Variants in DIP2C observed in about 807,000 individuals in gnomAD.
DIP2C encodes disco-interacting protein 2 homolog C.
DIP2C carries 33 observed loss-of-function variants against 192.4 expected under a neutral mutation model. That is an observed-to-expected ratio of 0.17 (90% confidence interval 0.13 to 0.23). The LOEUF (loss-of-function observed/expected upper bound fraction) is 0.23. DIP2C is among the 10% of genes least tolerant of loss of function. The probability of loss-of-function intolerance (pLI) is 1.00; values close to 1 mark genes in which losing one functional copy is unlikely to be tolerated. For synonymous variants in DIP2C, 979 were observed against 864.1 expected (o/e 1.13, Z -2.33); for missense variants, 1,537 against 2,110.1 (o/e 0.73, Z 5.32).
chr10:491,434 A>G (rs1040480229), intron 1 of DIP2C, among the ~76,000 whole-genome samples: 1 of 152,216 alleles, frequency 6.6e-6, no homozygotes, highest in Non-Finnish European at 1.5e-5. Flanking sequence ...GAGGCCCCGG[A>G]AGGCAAGGCC....
chr10:358,099 G>T (rs1394126159), intron 22 of DIP2C, among the ~76,000 whole-genome samples, 162 bp from the exon 23 acceptor site: 1 of 152,172 alleles, frequency 6.6e-6, no homozygotes. Flanking sequence ...AAATGATTGT[G>T]AAGGGGGAGT....
intron 1 of DIP2C, among the ~76,000 whole-genome samples, chr10:586,254 C>T (rs1003872189): frequency 9.2e-5 from 14 of 152,338 alleles, no homozygotes; most frequent in African/African-American, 2.9e-4. Flanking sequence ...TGAGAATGGA[C>T]GCAGCCATCA....
chr10:464,661 T>C (rs1970064018), intron 3 of DIP2C, among the ~76,000 whole-genome samples: 2 of 152,206 alleles, frequency 1.3e-5, no homozygotes, highest in Admixed American at 6.5e-5. Flanking sequence ...ATCATGATAC[T>C]ATAAAGACAC....
At chr10:317,165 T>C (rs954657068) in intron 31 of DIP2C, among the ~76,000 whole-genome samples, 1 of 152,330 alleles carries the variant, frequency 6.6e-6, no homozygotes, top group Admixed American at 6.5e-5. Context: ...TCATCAGGCA[T>C]TGATGCAGGT....
At chr10:470,603 G>A (rs961391868) in intron 3 of DIP2C, among the ~76,000 whole-genome samples, 3 of 152,198 alleles carry the variant, frequency 2.0e-5, no homozygotes, top group East Asian at 1.9e-4. Context: ...TTATCTCGTG[G>A]AGTAGCTGGG....
At chr10:522,267 C>CT (rs1564816009) in intron 1 of DIP2C, among the ~76,000 whole-genome samples, 1 of 152,200 alleles carries the variant, frequency 6.6e-6, no homozygotes. Flanking sequence ...TGGTCCAGTT[C>CT]TTTTTAGTGT....
intron 1 of DIP2C, among the ~76,000 whole-genome samples, chr10:566,529 G>C (rs1008763193): frequency 6.6e-6 from 1 of 152,202 alleles, no homozygotes; most frequent in Non-Finnish European, 1.5e-5. Context: ...ACACTTACAC[G>C]TTCAGATAGC....
chr10:635,596 CG>C (rs1564290607), intron 1 of DIP2C, among the ~76,000 whole-genome samples: 1 of 152,226 alleles, frequency 6.6e-6, no homozygotes, highest in African/African-American at 2.4e-5. Context: ...GCTGCAGCTG[CG>C]GGGAAGCAGC....
chr10:534,597 C>T (rs1847589669), intron 1 of DIP2C, among the ~76,000 whole-genome samples: 1 of 152,120 alleles, frequency 6.6e-6, no homozygotes, highest in Non-Finnish European at 1.5e-5. Flanking sequence ...CCCTGTTATT[C>T]AGGAAACTAC....
At chr10:626,330 G>T (rs1351062548) in intron 1 of DIP2C, among the ~76,000 whole-genome samples, 1 of 152,150 alleles carries the variant, frequency 6.6e-6, no homozygotes, top group Admixed American at 6.5e-5. Flanking sequence ...TGGGGCTCCT[G>T]GGGACAGAAT....
intron 2 of DIP2C, among the ~76,000 whole-genome samples, chr10:478,527 T>C (rs898217956): frequency 1.8e-4 from 28 of 151,476 alleles, no homozygotes; most frequent in African/African-American, 6.8e-4. Context: ...TCATCCAGTG[T>C]CCAGGCATGC....
chr10:575,379 A>G (rs1387377257), intron 1 of DIP2C, among the ~76,000 whole-genome samples: 1 of 152,230 alleles, frequency 6.6e-6, no homozygotes, highest in Non-Finnish European at 1.5e-5. Flanking sequence ...ACTTCAGGGC[A>G]TATGATTTCT....
At position 623,690 on chromosome 10, in the gene DIP2C, A is replaced by C. The variant is rs1198929537; in HGVS notation, c.85+65804T>G. 8.3e-5 allele frequency among the ~76,000 whole-genome samples: 7 copies of C among 84,776 alleles called. No homozygotes were observed. In the Admixed American group the frequency reaches 1.0e-3, roughly 12 times the overall value. 55.6% of individuals were successfully genotyped at this position (84,776 alleles called of 152,430 possible). A position where few individuals can be genotyped will look rare whatever the true frequency, so the allele number is the denominator to read the frequency against. On this transcript the variant is annotated intron_variant, in intron 1 of 36. Coordinates refer to ENST00000280886, the MANE Select transcript of DIP2C (RefSeq NM_014974.3). ...GATGCAAGGCTGAAGGGAGGAGGGG[A>C]GGGACGCAGGGCCGAGGGCTGAGGG...
At chr10:617,541 G>A (rs1463806175) in intron 1 of DIP2C, among the ~76,000 whole-genome samples, 1 of 152,098 alleles carries the variant, frequency 6.6e-6, no homozygotes, top group African/African-American at 2.4e-5. Context: ...CAGTAGCTGT[G>A]GAGGGTGTGT....
chr10:369,411 C>G, intron 18 of DIP2C, 83 bp downstream of exon 18: 1 of 1,455,544 alleles, frequency 6.9e-7, no homozygotes, highest in African/African-American at 1.4e-5. Context: ...AACGCGGGAA[C>G]GTGGGAACGC....
chr10:417,751 T>C (rs61837164), intron 6 of DIP2C, among the ~76,000 whole-genome samples: 15,714 of 21,104 alleles, frequency 0.74, 6,169 homozygotes, highest in East Asian at 0.94. Flanking sequence ...AGGGCTCGGA[T>C]AGGCATCCCT....
At chr10:527,581 G>A (rs1423572249) in intron 1 of DIP2C, among the ~76,000 whole-genome samples, 2 of 152,180 alleles carry the variant, frequency 1.3e-5, no homozygotes, top group East Asian at 3.8e-4. Context: ...ATGTACTACA[G>A]AGTGTCAAAT....
At chr10:279,544 AGTTT>A (rs1431891725) in intron 36 of DIP2C, among the ~76,000 whole-genome samples, 1 of 152,200 alleles carries the variant, frequency 6.6e-6, no homozygotes, top group Admixed American at 6.5e-5. Context: ...GAAATGAGAA[AGTTT>A]GTTTGGCTTG....
chr10:453,242 C>T (rs867306688), intron 3 of DIP2C, among the ~76,000 whole-genome samples: 3 of 152,274 alleles, frequency 2.0e-5, no homozygotes, highest in Middle Eastern at 6.8e-3. Flanking sequence ...TACAAATGCC[C>T]TGAATACAGT....
Sources: gnomAD v4.1 joint callset for allele counts (sites outside exome capture counted in the v4.1 genomes callset) on GRCh38, gnomAD v4.1.1 for gene constraint, MANE v1.5 for transcripts, NCBI Gene and HGNC (gene_info 2026-07-23, HGNC 2026-07-21) for gene names.